MGMT: variants seen among roughly 807,000 people sequenced by gnomAD.
The protein encoded by MGMT is methylated-DNA--protein-cysteine methyltransferase.
MGMT carries 14 observed loss-of-function variants against 15.9 expected under a neutral mutation model. The ratio of observed to expected loss-of-function variants is 0.88; its 90% CI spans 0.58 to 1.37. The LOEUF (loss-of-function observed/expected upper bound fraction) is 1.37, where lower values mean the gene tolerates loss of function less well. Ranked by LOEUF, MGMT falls within the 40% of genes most tolerant of loss-of-function variation. The pLI, the probability that MGMT is intolerant of heterozygous loss-of-function variation, is 0.00. For missense variants in MGMT, 282 were observed against 268.1 expected (o/e 1.05, Z -0.36); for synonymous variants, 130 against 118.2 (o/e 1.10, Z -0.65).
chr10:129,660,505 G>C (rs1341313404), intron 2 of MGMT, among the ~76,000 whole-genome samples: 1 of 152,096 alleles, frequency 6.6e-6, no homozygotes, highest in East Asian at 1.9e-4. Context: ...GAGAGGCCTT[G>C]GGACCCTCTG....
chr10:129,645,152 C>T (rs1218174445), intron 2 of MGMT, among the ~76,000 whole-genome samples: 1 of 133,566 alleles, frequency 7.5e-6, no homozygotes, highest in Non-Finnish European at 1.5e-5. Context: ...TGGAGTCTTG[C>T]TCTGTCACCC....
rs531632363 is a variant in MGMT, at chr10:129,747,419, A to G, written c.275-11783A>G. Among the ~76,000 whole-genome samples the G allele has an allele frequency of 3.5e-4, 53 of 152,252 alleles. 2 individuals are homozygous for G. In the South Asian group the frequency reaches 0.011, roughly 31 times the overall value. On this transcript the variant is annotated intron_variant, in intron 3 of 4. Transcript: ENST00000651593. ...ATGAATAGGTGTTAAATTGTATTAA[A>G]TATTTTTTCTGACTGGATATAGATT...
Position 129,556,007 on chromosome 10 carries a change from T to C in MGMT, c.125+19630T>C, listed in dbSNP as rs927334782. On this transcript the variant is annotated intron_variant, in intron 2 of 4. Transcript: ENST00000651593. The surrounding 1 kb of genome is among the most constrained non-coding windows in gnomAD (Gnocchi z 4.3). ...ACCCTCCAGGGAGCTGTCGAGGGGC[T>C]CTTCTGCCTCTTCAGAAACCATCAT... Among the ~76,000 whole-genome samples, 7 of 152,142 alleles carry C rather than the reference T, an allele frequency of 4.6e-5. No individual in the cohort carries two copies. Among genetic ancestry groups the C allele is most frequent in the Non-Finnish European group, 8.8e-5 (6 of 68,022 alleles).
rs1848972575 is a variant in MGMT, at chr10:129,769,131, T to C, written c.*2134T>C. On this transcript the variant is annotated 3_prime_UTR_variant, in exon 5 of 5. Coordinates refer to ENST00000651593, the MANE Select transcript of MGMT (RefSeq NM_002412.5). Reference sequence around the variant, plus strand: ...AGCACAGGTGGGCCTGCTCGGACCATGCCCTTGGTGCAGTACAAAACCATG... The same window carrying C: ...AGCACAGGTGGGCCTGCTCGGACCACGCCCTTGGTGCAGTACAAAACCATG... 1 of 152,308 alleles carries C rather than the reference T, an allele frequency of 6.6e-6. No individual in the cohort carries two copies. The highest frequency in any genetic ancestry group is 2.4e-5 in the African/African-American group (1 of 41,482). The allele number at this position is 152,308 out of a possible 1,614,324, so 9.4% of individuals were successfully genotyped here.
chr10:129,511,676 A>AT (rs748625795), intron 1 of MGMT, among the ~76,000 whole-genome samples: 2 of 152,148 alleles, frequency 1.3e-5, no homozygotes, highest in Non-Finnish European at 2.9e-5. Flanking sequence ...TCCCAGGGCT[A>AT]TTGGGGATCA....
intron 2 of MGMT, among the ~76,000 whole-genome samples, chr10:129,653,703 G>A (rs150907429): frequency 6.6e-6 from 1 of 152,344 alleles, no homozygotes; most frequent in East Asian, 1.9e-4. Flanking sequence ...TGCTAAACAA[G>A]AGGCAGGGAG....
rs187322402 is a variant in MGMT, at chr10:129,748,670, G to A, written c.275-10532G>A. 3.5e-3 allele frequency among the ~76,000 whole-genome samples: 540 copies of A among 152,184 alleles called. 6 individuals carry two copies. The highest frequency in any genetic ancestry group is 0.012 in the African/African-American group (508 of 41,512). On this transcript the variant is annotated intron_variant, in intron 3 of 4. Coordinates refer to ENST00000651593, the MANE Select transcript of MGMT (RefSeq NM_002412.5). ...AGTAGCTTTCTGTATACTAACCCAC[G>A]GACAGATAAATATTGTAAACATTTC... is the stretch of plus-strand genomic sequence containing the variant.
intron 3 of MGMT, among the ~76,000 whole-genome samples, chr10:129,711,554 T>G (rs1185030614): frequency 6.6e-6 from 1 of 152,238 alleles, no homozygotes; most frequent in African/African-American, 2.4e-5. Flanking sequence ...AGCTGTCCAG[T>G]GAAGCATATT....
intron 2 of MGMT, among the ~76,000 whole-genome samples, chr10:129,537,566 T>A (rs1342689936): frequency 6.6e-6 from 1 of 152,158 alleles, no homozygotes; most frequent in East Asian, 1.9e-4. Flanking sequence ...GTGTTGGTTT[T>A]TTTTTTCTTT....
chr10:129,661,167 TTTA>T (rs1847592883), intron 2 of MGMT, among the ~76,000 whole-genome samples: 2 of 152,234 alleles, frequency 1.3e-5, no homozygotes. Flanking sequence ...ATTACTGTAA[TTTA>T]TTAACTTTTC....
chr10:129,551,627 T>C (rs569630152), intron 2 of MGMT, among the ~76,000 whole-genome samples: 21 of 152,196 alleles, frequency 1.4e-4, no homozygotes, highest in Admixed American at 3.3e-4. Flanking sequence ...TACACTGATA[T>C]TCTATCTCTG....
chr10:129,724,792 C>A (rs1024843788), intron 3 of MGMT, among the ~76,000 whole-genome samples: 10 of 152,158 alleles, frequency 6.6e-5, no homozygotes, highest in African/African-American at 2.4e-4. Flanking sequence ...CTCTATGTGG[C>A]TGGGGTTTTT....
At chr10:129,471,072 G>A (rs778798779) in intron 1 of MGMT, among the ~76,000 whole-genome samples, 2 of 152,164 alleles carry the variant, frequency 1.3e-5, no homozygotes, top group Non-Finnish European at 2.9e-5. Flanking sequence ...CTGGGCTGGG[G>A]GACACCGAAT....
intron 3 of MGMT, among the ~76,000 whole-genome samples, chr10:129,725,866 T>A (rs1216557311): frequency 1.3e-5 from 2 of 152,232 alleles, no homozygotes; most frequent in African/African-American, 4.8e-5. Context: ...AATTCTGCTG[T>A]CACGTGTCTG....
At chr10:129,536,148 TTG>T (rs1845980978) in intron 1 of MGMT, 91 bp from the exon 2 acceptor site, 2 of 1,361,880 alleles carry the variant, frequency 1.5e-6, no homozygotes, top group Non-Finnish European at 2.0e-6. Flanking sequence ...GGAATATATT[TTG>T]TGTCTTAAAT....
At chr10:129,738,443 C>T (rs377471961) in intron 3 of MGMT, among the ~76,000 whole-genome samples, 3 of 152,208 alleles carry the variant, frequency 2.0e-5, no homozygotes, top group Admixed American at 6.5e-5. Flanking sequence ...CACTGACCTG[C>T]GCCCACTGTC....
At chr10:129,752,318 G>A (rs1038286731) in intron 3 of MGMT, among the ~76,000 whole-genome samples, 3 of 151,666 alleles carry the variant, frequency 2.0e-5, no homozygotes, top group Non-Finnish European at 4.4e-5. Flanking sequence ...ATTTGTGTTT[G>A]CATGGTATAT....
intron 2 of MGMT, among the ~76,000 whole-genome samples, chr10:129,620,226 A>G (rs1847076244): frequency 6.6e-6 from 1 of 152,218 alleles, no homozygotes; most frequent in Non-Finnish European, 1.5e-5. Flanking sequence ...TTGTTTTTTA[A>G]TATCACTCTG....
At chr10:129,687,848 GC>G (rs1048363208) in intron 2 of MGMT, among the ~76,000 whole-genome samples, 2 of 148,066 alleles carry the variant, frequency 1.4e-5, no homozygotes, top group African/African-American at 5.0e-5. Context: ...CCCTCCCCCA[GC>G]CCCCCACCCC....
Sources: gnomAD v4.1 joint callset for allele counts (sites outside exome capture counted in the v4.1 genomes callset) on GRCh38, gnomAD v4.1.1 for gene constraint, Gnocchi (gnomAD v3.1) non-coding constraint, MANE v1.5 for transcripts, NCBI Gene and HGNC (gene_info 2026-07-23, HGNC 2026-07-21) for gene names.